ASIC1: variants seen among roughly 807,000 people sequenced by gnomAD.
The protein encoded by ASIC1 is acid-sensing ion channel 1.
In ASIC1, 21 loss-of-function variants were observed where a neutral mutation model predicts 63.4. The observed-to-expected ratio is 0.33, with a 90% CI of 0.23 to 0.48. ASIC1 has a LOEUF of 0.48. ASIC1 is among the 20% of genes least tolerant of loss of function. The probability of loss-of-function intolerance (pLI) is 0.99; values close to 1 mark genes in which losing one functional copy is unlikely to be tolerated. For synonymous variants in ASIC1, 258 were observed against 278.2 expected, an observed-to-expected ratio of 0.93 and a Z score of 0.72; for missense variants, 478 against 695.5, an observed-to-expected ratio of 0.69 and a Z score of 3.52.
At position 50,077,270 on chromosome 12, in the gene ASIC1, C is replaced by A; in HGVS notation, c.616C>A (p.Arg206=). 2.5e-6 allele frequency: 4 copies of A among 1,614,022 alleles called. No homozygotes were observed. Among genetic ancestry groups the A allele is most frequent in the Non-Finnish European group, 3.4e-6 (4 of 1,179,934 alleles). ...CAACTCGGGCCGAGATGGGCGGCCG[C>A]GGCTGAAGACCATGAAGGGTGGGAC... is the stretch of plus-strand genomic sequence containing the variant. ...TFNSGRDGRP[R]LKTMKGGTGN... The change falls in exon 4 of 12, where the codon CGG becomes AGG. Residue 206 remains arginine, a synonymous_variant. Transcript: ENST00000447966.
At chr12:50,063,889 A>G (rs528109765) in intron 3 of ASIC1, among the ~76,000 whole-genome samples, 2 of 152,176 alleles carry the variant, frequency 1.3e-5, no homozygotes, top group East Asian at 3.9e-4. Flanking sequence ...CCCACACCCC[A>G]TGCTGCCCCA....
chr12:50,074,337 G>T lies in ASIC1; in HGVS notation c.559-2876G>T. On this transcript the variant is annotated intron_variant, in intron 3 of 11. Transcript: ENST00000447966. This position sits in a 1 kb window ranked among gnomAD's most constrained non-coding sequence, Gnocchi z 4.2. ...CTCCTGGGGTTGGGGCTGGGGCTGG[G>T]GCTGGGGCTGATGACTGTGCTGCCC... 1 of 1,427,234 alleles carries T rather than the reference G, an allele frequency of 7.0e-7. No homozygotes were observed. 88.4% of individuals were successfully genotyped at this position (1,427,234 alleles called of 1,614,324 possible). A position where few individuals can be genotyped will look rare whatever the true frequency, so the allele number is the denominator to read the frequency against.
At chr12:50,080,459 T>G (rs776808493) in intron 8 of ASIC1, 39 bp from the exon 9 acceptor site, 3 of 1,591,680 alleles carry the variant, frequency 1.9e-6, no homozygotes, top group Non-Finnish European at 1.7e-6. Flanking sequence ...GATAGAGATA[T>G]GACTTGAACC....
chr12:50,073,770 G>A lies in ASIC1; in HGVS notation c.559-3443G>A, dbSNP rs920041077. The stretch of plus-strand genomic sequence containing the variant: ...AGGCCAGTGAGGGGCATTCACCCAT[G>A]GACTTGGTGGCCTTTGCCAACAGCT... On this transcript the variant is annotated intron_variant, in intron 3 of 11. Transcript: ENST00000447966. The A allele has an allele frequency of 3.1e-5, 48 of 1,536,182 alleles. No individual in the cohort carries two copies. The East Asian group carries it at 1.1e-3, about 37-fold the overall frequency.
At chr12:50,076,221 CTT>C (rs1950653611) in intron 3 of ASIC1, among the ~76,000 whole-genome samples, 1 of 152,210 alleles carries the variant, frequency 6.6e-6, no homozygotes, top group Admixed American at 6.5e-5. Flanking sequence ...AATCCCAACA[CTT>C]TGGGAGGCTG....
Position 50,059,758 on chromosome 12 carries a change from G to C in ASIC1, c.363-1G>C. On this transcript the variant is annotated splice_acceptor_variant, in intron 2 of 11. Transcript: ENST00000447966. LOFTEE classifies it high-confidence loss of function. The surrounding 1 kb of genome is among the most constrained non-coding windows in gnomAD (Gnocchi z 4.6). ...GTGTGTCACTCACCCCCGGACCCCA[G>C]GTATGAGATACCAGACACACAGATG... 1 of 1,612,618 alleles carries C rather than the reference G, an allele frequency of 6.2e-7. No individual in the cohort carries two copies. Among genetic ancestry groups the C allele is most frequent in the Non-Finnish European group, 8.5e-7 (1 of 1,179,252 alleles).
At chr12:50,062,393 A>C (rs1185893569) in intron 3 of ASIC1, among the ~76,000 whole-genome samples, 1 of 152,222 alleles carries the variant, frequency 6.6e-6, no homozygotes, top group Non-Finnish European at 1.5e-5. Context: ...ACACCTGTCT[A>C]TAGGGTCGAT....
rs1354585736 is a variant in ASIC1, at chr12:50,081,809, C to T, written c.*160C>T. 1 of 626,332 alleles carries T rather than the reference C, an allele frequency of 1.6e-6. No individual in the cohort carries two copies. The highest frequency in any genetic ancestry group is 2.8e-6 in the Non-Finnish European group (1 of 359,620). The allele number at this position is 626,332 out of a possible 1,614,324, so 38.8% of individuals were successfully genotyped here. On this transcript the variant is annotated 3_prime_UTR_variant, in exon 12 of 12. Coordinates refer to ENST00000447966, the MANE Select transcript of ASIC1 (RefSeq NM_001095.4). ...GAAGGAGTCTTGACCATAGAGTCCT[C>T]TCTCTGCCTCTATCCCATTCTTTTT... is the stretch of plus-strand genomic sequence containing the variant.
At chr12:50,073,842 G>A (rs1335704591) in intron 3 of ASIC1, 3 of 1,531,414 alleles carry the variant, frequency 2.0e-6, no homozygotes, top group African/African-American at 2.7e-5. Flanking sequence ...GGGGTCCAGG[G>A]CCAAGGCAGG....
In ASIC1 at chr12:50,078,986, C is replaced by T. The variant is rs898145643; in HGVS notation, c.1051+6C>T. The T allele has an allele frequency of 9.9e-6, 16 of 1,613,218 alleles. No homozygotes were observed. The highest frequency in any genetic ancestry group is 2.2e-5 in the East Asian group (1 of 44,876). ...GTGTGCAGATCCTGCTCTGGGTGAG[C>T]GCCCCTGGCCTGGGGCAGTCTGGGG... On this transcript the variant is annotated splice_donor_region_variant and intron_variant, in intron 7 of 11. Transcript: ENST00000447966. This position sits in a 1 kb window ranked among gnomAD's most constrained non-coding sequence, Gnocchi z 6.0.
intron 9 of ASIC1, chr12:50,080,896 A>G: frequency 1.2e-6 from 1 of 834,252 alleles, no homozygotes; most frequent in Non-Finnish European, 1.9e-6. Context: ...TTCTTGAAAA[A>G]CACCTGCTTG....
At chr12:50,071,266 C>CTTTTTTTTTTTTTTT (rs34556615) in intron 3 of ASIC1, among the ~76,000 whole-genome samples, 1 of 119,820 alleles carries the variant, frequency 8.3e-6, no homozygotes, top group African/African-American at 3.3e-5. Context: ...TTGCTTTCAG[C>CTTTTTTTTTTTTTTT]TTTTTTTTTT....
In ASIC1 at chr12:50,078,916, C is replaced by T; in HGVS notation, c.995-8C>T. 1.2e-6 allele frequency: 2 copies of T among 1,613,744 alleles called. No individual in the cohort carries two copies. Among genetic ancestry groups the T allele is most frequent in the Non-Finnish European group, 1.7e-6 (2 of 1,179,694 alleles). ...CCATCCTGCATCATTGTCTTTTCTC[C>T]TCTGTAGGGGATGCCCCATACTGTA... On this transcript the variant is annotated splice_polypyrimidine_tract_variant and splice_region_variant and intron_variant, in intron 6 of 11. Transcript: ENST00000447966. The surrounding 1 kb of genome is among the most constrained non-coding windows in gnomAD (Gnocchi z 6.0).
At chr12:50,066,191 C>T (rs990413917) in intron 3 of ASIC1, among the ~76,000 whole-genome samples, 5 of 152,190 alleles carry the variant, frequency 3.3e-5, no homozygotes, top group East Asian at 1.9e-4. Context: ...CTTTAGCTCA[C>T]GTGATCTTCA....
chr12:50,081,035 C>G, intron 9 of ASIC1, 67 bp from the exon 10 acceptor site: 1 of 1,395,656 alleles, frequency 7.2e-7, no homozygotes, highest in Non-Finnish European at 9.9e-7. Context: ...CTGCCCCAGT[C>G]CCAGTAAACC....
At chr12:50,066,276 G>C (rs933012668) in intron 3 of ASIC1, among the ~76,000 whole-genome samples, 2 of 152,180 alleles carry the variant, frequency 1.3e-5, no homozygotes, top group Non-Finnish European at 2.9e-5. Flanking sequence ...GGAGTTGTGT[G>C]ACTTGCCTGA....
At chr12:50,076,894 A>C in intron 3 of ASIC1, 2 of 502,980 alleles carry the variant, frequency 4.0e-6, no homozygotes, top group Non-Finnish European at 3.9e-6. Flanking sequence ...GGGCTGGGGA[A>C]GGATTCATAC....
At chr12:50,058,244 C>T (rs1054346803) in intron 1 of ASIC1, among the ~76,000 whole-genome samples, 3 of 152,198 alleles carry the variant, frequency 2.0e-5, no homozygotes, top group African/African-American at 7.2e-5. Context: ...GGCTGGGCCC[C>T]TCCCTAGATG....
At chr12:50,080,972 C>T (rs753919946) in intron 9 of ASIC1, 130 bp from the exon 10 acceptor site, 427 of 913,472 alleles carry the variant, frequency 4.7e-4, no homozygotes, top group Non-Finnish European at 6.4e-4. Flanking sequence ...CTGAATCTGG[C>T]TTTGCGATCC....
Sources: allele counts gnomAD v4.1 joint callset (sites outside exome capture counted in the v4.1 genomes callset), GRCh38; gene constraint gnomAD v4.1.1; non-coding constraint Gnocchi (gnomAD v3.1); transcripts MANE v1.5; gene names NCBI Gene and HGNC (gene_info 2026-07-23, HGNC 2026-07-21).